Variants in SLC16A2 observed in about 807,000 individuals in gnomAD.
The protein encoded by SLC16A2 is monocarboxylate transporter 8.
Under a neutral mutation model 27.2 loss-of-function variants are expected in SLC16A2, and 3 were observed. The observed-to-expected ratio is 0.11, with a 90% CI of 0.05 to 0.28. The LOEUF (loss-of-function observed/expected upper bound fraction) is 0.28. SLC16A2 is among the 10% of genes least tolerant of loss of function. The probability of loss-of-function intolerance (pLI) is 1.00; values close to 1 mark genes in which losing one functional copy is unlikely to be tolerated. For synonymous variants in SLC16A2, 202 were observed against 187.8 expected, an observed-to-expected ratio of 1.08 and a Z score of -0.62; for missense variants, 295 against 458.5, an observed-to-expected ratio of 0.64 and a Z score of 3.26.
intron 1 of SLC16A2, among the ~76,000 whole-genome samples, chrX:74,458,478 A>G (rs1295011474): frequency 1.8e-5 from 2 of 110,885 alleles, no homozygotes; most frequent in African/African-American, 6.6e-5. Flanking sequence ...CCTCCCGAGT[A>G]CCTGGGATTA....
At chrX:74,507,161 G>T (rs1292922351) in intron 1 of SLC16A2, among the ~76,000 whole-genome samples, 1 of 108,980 alleles carries the variant, frequency 9.2e-6, no homozygotes, top group Non-Finnish European at 1.9e-5. Context: ...TTGCCATGTT[G>T]CCCAGGCTGG....
intron 1 of SLC16A2, among the ~76,000 whole-genome samples, chrX:74,500,735 C>T (rs1293670587): frequency 9.0e-6 from 1 of 111,359 alleles, no homozygotes; most frequent in Admixed American, 9.6e-5. Flanking sequence ...CCCCTTGCAC[C>T]CTGTTTACTT....
chrX:74,436,625 C>T (rs970852287), intron 1 of SLC16A2, among the ~76,000 whole-genome samples: 1 of 111,968 alleles, frequency 8.9e-6, no homozygotes, highest in Non-Finnish European at 1.9e-5. Context: ...TAGAACAGTG[C>T]CTGGCATATG....
chrX:74,530,090 CTTTTTTTTTTT>C (rs748919451), intron 5 of SLC16A2, among the ~76,000 whole-genome samples: 3 of 67,928 alleles, frequency 4.4e-5, no homozygotes, highest in South Asian at 7.5e-4. Flanking sequence ...TTTCTTTTCT[CTTTTTTTTTTT>C]TTTTTTTTTG....
chrX:74,421,784 C>CGAGCCCCAGCCG lies in SLC16A2; in HGVS notation c.159_170dup (p.Glu54_Pro57dup), dbSNP rs1569281082. ...CCGAGCCCGTGCCAGTGCCCCCGCC[C>CGAGCCCCAGCCG]GAGCCCCAGCCGGAGCCCCAGCCCC... On this transcript the variant is annotated inframe_insertion, in exon 1 of 6. Coordinates refer to ENST00000587091, the MANE Select transcript of SLC16A2 (RefSeq NM_006517.5). 4 of 1,145,335 alleles carry CGAGCCCCAGCCG rather than the reference C, an allele frequency of 3.5e-6. No individual in the cohort carries two copies. The highest frequency in any genetic ancestry group is 3.2e-5 in the East Asian group (1 of 31,097). 94.4% of individuals were successfully genotyped at this position (1,145,335 alleles called of 1,213,427 possible).
chrX:74,470,205 T>G (rs1268129002), intron 1 of SLC16A2, among the ~76,000 whole-genome samples: 1 of 112,372 alleles, frequency 8.9e-6, no homozygotes. Flanking sequence ...CCAGAGCTTA[T>G]CCATTCACCT....
chrX:74,422,665 C>CG (rs1279640436), intron 1 of SLC16A2, among the ~76,000 whole-genome samples: 2 of 111,951 alleles, frequency 1.8e-5, no homozygotes. Context: ...GAGTTCGAGT[C>CG]GGGGTGTGAG....
chrX:74,523,227 C>G (rs1037483544), intron 2 of SLC16A2, among the ~76,000 whole-genome samples: 4 of 112,088 alleles, frequency 3.6e-5, no homozygotes, highest in East Asian at 2.8e-4. Flanking sequence ...CTTTCAAAAC[C>G]AAATCCTTGC....
intron 1 of SLC16A2, among the ~76,000 whole-genome samples, chrX:74,506,127 C>G (rs1930121677): frequency 9.0e-6 from 1 of 111,636 alleles, no homozygotes; most frequent in Non-Finnish European, 1.9e-5. Flanking sequence ...TAATTTCACA[C>G]TCACTCCTTC....
chrX:74,531,688 T>C lies in SLC16A2; in HGVS notation c.*135T>C. 1 of 539,162 alleles carries C rather than the reference T, an allele frequency of 1.9e-6. No individual in the cohort carries two copies. The highest frequency in any genetic ancestry group is 3.3e-6 in the Non-Finnish European group (1 of 302,531). The allele number at this position is 539,162 out of a possible 1,213,427, so 44.4% of individuals were successfully genotyped here. On this transcript the variant is annotated 3_prime_UTR_variant, in exon 6 of 6. Coordinates refer to ENST00000587091, the MANE Select transcript of SLC16A2 (RefSeq NM_006517.5). ...GCATTTCAGCCACCTGACAATCTCC[T>C]TGGAGTCAAAGCTCCAGGTGTTCCA...
intron 1 of SLC16A2, among the ~76,000 whole-genome samples, chrX:74,477,448 T>G (rs1227213071): frequency 1.8e-5 from 2 of 111,987 alleles, no homozygotes; most frequent in Non-Finnish European, 3.8e-5. Flanking sequence ...GATTCATTGA[T>G]TTTTTTAAGG....
Position 74,485,133 on chromosome X carries a change from T to C in SLC16A2, c.431-35857T>C, listed in dbSNP as rs768563594. ...CGGGGGGCTTAGGCAGGAGAATCAC[T>C]TGAACCTGGGAGGCGGAGGTTGCAG... On this transcript the variant is annotated intron_variant, in intron 1 of 5. Coordinates refer to ENST00000587091, the MANE Select transcript of SLC16A2 (RefSeq NM_006517.5). Among the ~76,000 whole-genome samples, 104 of 108,101 alleles carry C rather than the reference T, an allele frequency of 9.6e-4. 1 individual carries two copies. The highest frequency in any genetic ancestry group is 6.9e-4 in the Admixed American group (7 of 10,091). The allele number at this position is 108,101 out of a possible 115,157, so 93.9% of individuals were successfully genotyped here. A position where few individuals can be genotyped will look rare whatever the true frequency, so the allele number is the denominator to read the frequency against.
At chrX:74,442,964 T>C (rs1241001308) in intron 1 of SLC16A2, among the ~76,000 whole-genome samples, 20 of 111,408 alleles carry the variant, frequency 1.8e-4, no homozygotes, top group Admixed American at 1.9e-4. Context: ...CCAAAAAAAA[T>C]GACACTCCAA....
intron 1 of SLC16A2, among the ~76,000 whole-genome samples, chrX:74,442,125 G>A (rs1434191349): frequency 9.3e-6 from 1 of 107,781 alleles, no homozygotes; most frequent in Non-Finnish European, 1.9e-5. Flanking sequence ...CTACTCGGGA[G>A]GCTGAGGCAG....
At chrX:74,453,465 C>T (rs1191455575) in intron 1 of SLC16A2, among the ~76,000 whole-genome samples, 1 of 111,833 alleles carries the variant, frequency 8.9e-6, no homozygotes, top group African/African-American at 3.2e-5. Context: ...ATATTTAAAT[C>T]TGGTTTCATT....
intron 1 of SLC16A2, among the ~76,000 whole-genome samples, chrX:74,428,119 C>A (rs1928449907): frequency 9.0e-6 from 1 of 111,475 alleles, no homozygotes; most frequent in East Asian, 2.9e-4. Flanking sequence ...TCCTGTATCT[C>A]TCCCAGTATT....
intron 1 of SLC16A2, among the ~76,000 whole-genome samples, chrX:74,504,154 A>G (rs991252147): frequency 8.9e-6 from 1 of 111,820 alleles, no homozygotes; most frequent in African/African-American, 3.3e-5. Flanking sequence ...GTGCTGAAAA[A>G]GGGTTTTGGG....
chrX:74,421,765 C>A lies in SLC16A2; in HGVS notation c.128C>A (p.Pro43His), dbSNP rs1020396309. 5 of 1,141,365 alleles carry A rather than the reference C, an allele frequency of 4.4e-6. No homozygotes were observed. The highest frequency in any genetic ancestry group is 4.7e-6 in the Non-Finnish European group (4 of 854,425). 94.1% of individuals were successfully genotyped at this position (1,141,365 alleles called of 1,213,427 possible). Residue 43 changes from proline to histidine, a missense_variant, in exon 1 of 6, where the codon CCC becomes CAC. Physicochemically the swap from Pro to His is moderately conservative, Grantham distance 77. Coordinates refer to ENST00000587091, the MANE Select transcript of SLC16A2 (RefSeq NM_006517.5). ...SEPEPEPEPE[P>H]VPVPPPEPQP... ...CCGGAGCCTGAGCCCGAGCCCGAGC[C>A]CGTGCCAGTGCCCCCGCCCGAGCCC...
In SLC16A2 at chrX:74,422,084, G is replaced by A; in HGVS notation, c.430+17G>A. ...TCCAAGCAGGTGAGTGGCCCCGCAC[G>A]CCCCACTTGGCATTTTGGGCAAGGT... On this transcript the variant is annotated intron_variant, in intron 1 of 5. Transcript: ENST00000587091. The A allele has an allele frequency of 1.7e-6, 2 of 1,200,528 alleles. No individual in the cohort carries two copies. The highest frequency in any genetic ancestry group is 2.2e-6 in the Non-Finnish European group (2 of 889,602).
Sources: gnomAD v4.1 joint callset for allele counts (sites outside exome capture counted in the v4.1 genomes callset) on GRCh38, gnomAD v4.1.1 for gene constraint, MANE v1.5 for transcripts, NCBI Gene and HGNC (gene_info 2026-07-23, HGNC 2026-07-21) for gene names.